Variants in NKAIN3 observed in about 807,000 individuals in gnomAD.
NKAIN3 encodes the protein sodium/potassium-transporting ATPase subunit beta-1-interacting protein 3.
A neutral mutation model predicts 30.2 loss-of-function variants in NKAIN3; 25 were observed. The ratio of observed to expected loss-of-function variants is 0.83; its 90% confidence interval spans 0.60 to 1.16. The LOEUF (loss-of-function observed/expected upper bound fraction) is 1.16, where lower values mean the gene tolerates loss of function less well. Ranked by LOEUF, NKAIN3 falls within the 50% of genes most tolerant of loss-of-function variation. NKAIN3 has a pLI of 0.00. For synonymous variants in NKAIN3, 91 were observed against 89.6 expected (o/e 1.02, Z -0.09); for missense variants, 225 against 254.1 (o/e 0.89, Z 0.78).
chr8:62,896,977 GA>G (rs1369584888), intron 4 of NKAIN3, among the ~76,000 whole-genome samples: 1 of 152,160 alleles, frequency 6.6e-6, no homozygotes, highest in Non-Finnish European at 1.5e-5. Flanking sequence ...GTAGAAGGAA[GA>G]AGCTATAAGA....
At chr8:62,317,203 A>T (rs1442039847) in intron 1 of NKAIN3, among the ~76,000 whole-genome samples, 2 of 151,852 alleles carry the variant, frequency 1.3e-5, no homozygotes, top group Non-Finnish European at 2.9e-5. Context: ...GATTGCAAAA[A>T]TTTTCTCCCA....
At chr8:62,408,947 C>T (rs907226909) in intron 1 of NKAIN3, among the ~76,000 whole-genome samples, 13 of 152,036 alleles carry the variant, frequency 8.6e-5, no homozygotes, top group Admixed American at 7.9e-4. Flanking sequence ...TTTGTCAAGA[C>T]CCATCTGAAA....
At chr8:62,988,075 A>G (rs1824240445), downstream of NKAIN3, among the ~76,000 whole-genome samples, 1 of 152,212 alleles carries the variant, frequency 6.6e-6, no homozygotes, top group African/African-American at 2.4e-5. Flanking sequence ...TTCCAAAATG[A>G]TCTCCTTTGA....
intron 1 of NKAIN3, among the ~76,000 whole-genome samples, chr8:62,370,545 A>C (rs1171142609): frequency 6.6e-6 from 1 of 151,894 alleles, no homozygotes; most frequent in Non-Finnish European, 1.5e-5. Context: ...GTATTCCTCT[A>C]GTAATTTGTA....
chr8:62,442,779 A>T (rs1207954280), intron 1 of NKAIN3, among the ~76,000 whole-genome samples: 1 of 151,798 alleles, frequency 6.6e-6, no homozygotes, highest in Non-Finnish European at 1.5e-5. Flanking sequence ...TAGGTTTTTA[A>T]TTGTCACTTA....
intron 1 of NKAIN3, among the ~76,000 whole-genome samples, chr8:62,372,320 G>T (rs1005276363): frequency 2.6e-5 from 4 of 151,844 alleles, no homozygotes; most frequent in African/African-American, 9.7e-5. Context: ...TCTCTAGAAA[G>T]ACTTAAAATG....
chr8:62,445,432 A>C (rs1805458840), intron 1 of NKAIN3, among the ~76,000 whole-genome samples: 1 of 151,834 alleles, frequency 6.6e-6, no homozygotes, highest in African/African-American at 2.4e-5. Context: ...TTTTTCTTAT[A>C]AGGAAATTGA....
At chr8:62,607,825 C>A (rs1811173730) in intron 3 of NKAIN3, among the ~76,000 whole-genome samples, 1 of 151,978 alleles carries the variant, frequency 6.6e-6, no homozygotes, top group African/African-American at 2.4e-5. Flanking sequence ...ATTTAAACAC[C>A]ATGAAGTATA....
rs565482918 is a variant in NKAIN3, at chr8:62,922,747, T to A, written c.532+4234T>A. Among the ~76,000 whole-genome samples the A allele has an allele frequency of 2.6e-3, 346 of 131,860 alleles. 2 individuals carry two copies. The highest frequency in any genetic ancestry group is 5.4e-3 in the Admixed American group (76 of 13,970). The allele number at this position is 131,860 out of a possible 152,430, so 86.5% of individuals were successfully genotyped here. A position where few individuals can be genotyped will look rare whatever the true frequency, so the allele number is the denominator to read the frequency against. On this transcript the variant is annotated intron_variant, in intron 5 of 6. Transcript: ENST00000623646. ...CTACTGATTCTCACAGTGCATATATTTTTTTTTTTTTGGTAACTATCTAGT... is the reference window on the plus strand; with the variant it reads ...CTACTGATTCTCACAGTGCATATATATTTTTTTTTTTGGTAACTATCTAGT...
At position 62,928,444 on chromosome 8, in the gene NKAIN3, A is replaced by G. The variant is rs532949463; in HGVS notation, c.532+9931A>G. Among the ~76,000 whole-genome samples, 27 of 152,232 alleles carry G rather than the reference A, an allele frequency of 1.8e-4. No homozygotes were observed. In the South Asian group the frequency reaches 5.4e-3, roughly 30 times the overall value. On this transcript the variant is annotated intron_variant, in intron 5 of 6. Transcript: ENST00000623646. ...CAGTTCAATCAACTACAAAACTCCT[A>G]CTGTTTCCCAACCCTTATTCATTTA...
At chr8:62,949,773 AG>A (rs1205060090) in intron 5 of NKAIN3, among the ~76,000 whole-genome samples, 6 of 152,058 alleles carry the variant, frequency 3.9e-5, no homozygotes, top group Non-Finnish European at 2.9e-5. Context: ...TAATAATCAA[AG>A]TACATGGAAC....
intron 3 of NKAIN3, among the ~76,000 whole-genome samples, chr8:62,603,587 C>T (rs2130157607): frequency 6.6e-6 from 1 of 152,134 alleles, no homozygotes; most frequent in East Asian, 1.9e-4. Flanking sequence ...TATTTTTGCA[C>T]AGAGAAAGTT....
chr8:62,732,948 A>T (rs529292047), intron 3 of NKAIN3, among the ~76,000 whole-genome samples: 43 of 152,198 alleles, frequency 2.8e-4, no homozygotes, highest in African/African-American at 1.0e-3. Flanking sequence ...GATTATTCAT[A>T]TATGTGTTAT....
intron 1 of NKAIN3, among the ~76,000 whole-genome samples, chr8:62,409,141 A>G (rs766213064): frequency 6.6e-6 from 1 of 151,218 alleles, no homozygotes; most frequent in Non-Finnish European, 1.5e-5. Flanking sequence ...TTTGTCACGG[A>G]AGTGTTTTTT....
At chr8:62,867,806 AAAAAC>A (rs1449121498) in intron 4 of NKAIN3, among the ~76,000 whole-genome samples, 2 of 152,258 alleles carry the variant, frequency 1.3e-5, no homozygotes, top group Non-Finnish European at 2.9e-5. Context: ...CTGGCAGTCT[AAAAAC>A]AAAGAATAAA....
At chr8:62,886,353 A>AT (rs1442270422) in intron 4 of NKAIN3, among the ~76,000 whole-genome samples, 1 of 152,048 alleles carries the variant, frequency 6.6e-6, no homozygotes, top group Non-Finnish European at 1.5e-5. Flanking sequence ...ATGTAAACAT[A>AT]TATAATCAAA....
intron 1 of NKAIN3, among the ~76,000 whole-genome samples, chr8:62,314,592 G>T (rs1352635388): frequency 1.3e-5 from 2 of 152,138 alleles, no homozygotes. Flanking sequence ...TTGAGTGTTA[G>T]CCTGTACCAC....
chr8:62,519,320 G>A (rs1808086258), intron 1 of NKAIN3, among the ~76,000 whole-genome samples: 1 of 151,978 alleles, frequency 6.6e-6, no homozygotes, highest in Non-Finnish European at 1.5e-5. Flanking sequence ...CATCCTTCTG[G>A]GTGCTACCCT....
intron 1 of NKAIN3, among the ~76,000 whole-genome samples, chr8:62,365,325 G>T (rs1816703308): frequency 6.6e-6 from 1 of 151,654 alleles, no homozygotes; most frequent in South Asian, 2.1e-4. Flanking sequence ...TAATCTCTTA[G>T]TGTTTCACTC....
Sources: gnomAD v4.1 joint callset for allele counts (sites outside exome capture counted in the v4.1 genomes callset) on GRCh38, gnomAD v4.1.1 for gene constraint, MANE v1.5 for transcripts, NCBI Gene and HGNC (gene_info 2026-07-23, HGNC 2026-07-21) for gene names.